The following TDP2 variants were observed in gnomAD, a reference collection of about 807,000 sequenced individuals.
The protein encoded by TDP2 is 5'-Tyr-DNA phosphodiesterase.
TDP2 carries 38 observed loss-of-function variants against 42.8 expected under a neutral mutation model. That is an observed-to-expected ratio of 0.89 (90% CI 0.68 to 1.16). The LOEUF is 1.16. TDP2 is among the 50% of genes most tolerant of loss of function. The pLI is 0.00. For missense variants in TDP2, 439 were observed against 439.3 expected (o/e 1.00, Z 0.01); for synonymous variants, 173 against 150.6 (o/e 1.15, Z -1.09).
intron 3 of TDP2, 147 bp from the exon 4 acceptor site, chr6:24,658,050 A>G: frequency 1.9e-6 from 1 of 529,706 alleles, no homozygotes; most frequent in Non-Finnish European, 3.4e-6. Context: ...TTTGATAACT[A>G]TAAAATGAGA....
At position 24,658,582 on chromosome 6, in the gene TDP2, C is replaced by G; in HGVS notation, c.404G>C (p.Gly135Ala). Reference protein sequence around the residue: ...DLNNLSERARGVCSYLALYSP... With the variant: ...DLNNLSERARAVCSYLALYSP... ...TTACAAAGCTAAGTAGGAACACACC[C>G]CTCGAGCCCTCTCTGACAGATTGTT... The change falls in exon 3 of 7, where the codon GGG (glycine) becomes GCG (alanine). Residue 135 changes from glycine to alanine, a missense_variant. Transcript: ENST00000378198. 1 of 1,612,430 alleles carries G rather than the reference C, an allele frequency of 6.2e-7. No homozygotes were observed. The highest frequency in any genetic ancestry group is 8.5e-7 in the Non-Finnish European group (1 of 1,179,216).
At chr6:24,665,403 C>CTGTGGGTGAGTA (rs1778214253) in intron 2 of TDP2, among the ~76,000 whole-genome samples, 1 of 152,192 alleles carries the variant, frequency 6.6e-6, no homozygotes, top group African/African-American at 2.4e-5. Flanking sequence ...AGACAAATCA[C>CTGTGGGTGAGTA]TGTGGGTGAG....
intron 5 of TDP2, 79 bp downstream of exon 5, chr6:24,654,333 G>A: frequency 5.6e-6 from 4 of 711,680 alleles, no homozygotes; most frequent in Non-Finnish European, 8.9e-6. Flanking sequence ...TAAAGGCAAT[G>A]GTTTTAAAAA....
chr6:24,657,336 C>T (rs1394706784), intron 4 of TDP2, among the ~76,000 whole-genome samples: 3 of 152,058 alleles, frequency 2.0e-5, no homozygotes, highest in African/African-American at 7.2e-5. Context: ...CAAGGAAAGA[C>T]TGTATATGAA....
intron 5 of TDP2, 61 bp from the exon 6 acceptor site, chr6:24,653,214 A>G: frequency 6.6e-7 from 1 of 1,511,830 alleles, no homozygotes; most frequent in African/African-American, 1.4e-5. Flanking sequence ...AACTTTAATA[A>G]TAAAATCAGC....
At chr6:24,653,702 T>C (rs1364031001) in intron 5 of TDP2, among the ~76,000 whole-genome samples, 1 of 152,194 alleles carries the variant, frequency 6.6e-6, no homozygotes, top group Non-Finnish European at 1.5e-5. Flanking sequence ...TTCTTTCATA[T>C]TGGTCATTCA....
chr6:24,650,803 T>A lies in TDP2; in HGVS notation c.1074A>T (p.Leu358Phe), dbSNP rs1376645761. 1.9e-6 allele frequency: 3 copies of A among 1,613,826 alleles called. No individual in the cohort carries two copies. The highest frequency in any genetic ancestry group is 2.5e-6 in the Non-Finnish European group (3 of 1,179,868). Reference sequence around the variant, plus strand: ...GAAAAGCATTTTACAATATTATATCTAAGTTGCACAGAAGACCCCAGTGAT... The same window carrying A: ...GAAAAGCATTTTACAATATTATATCAAAGTTGCACAGAAGACCCCAGTGAT... ...PSDHWGLLCN[L>F]DIIL The change falls in exon 7 of 7, where the codon TTA (leucine) becomes TTT (phenylalanine). Residue 358 changes from leucine (L) to phenylalanine (F), a missense_variant. Coordinates refer to ENST00000378198, the MANE Select transcript of TDP2 (RefSeq NM_016614.3).
rs1048331198 is a variant in TDP2 at position 24,666,882 on chromosome 6, C to A, written c.-20G>T. ...CTCCATCTTCCTGCCGCCTCTGCAC[C>A]GCCCCTTTAAGCGGAACAGGAGGCC... On this transcript the variant is annotated 5_prime_UTR_variant, in exon 1 of 7. Transcript: ENST00000378198. 6.2e-7 allele frequency: 1 copy of A among 1,612,240 alleles called. No individual in the cohort carries two copies. The highest frequency in any genetic ancestry group is 1.3e-5 in the African/African-American group (1 of 74,958).
chr6:24,663,429 A>T (rs1019950169), intron 2 of TDP2, among the ~76,000 whole-genome samples: 7 of 152,208 alleles, frequency 4.6e-5, no homozygotes. Context: ...GCTCTTATTC[A>T]CTATGCCATC....
At chr6:24,651,119 T>G in intron 6 of TDP2, 50 bp from the exon 7 acceptor site, 4 of 1,128,448 alleles carry the variant, frequency 3.5e-6, no homozygotes, top group Non-Finnish European at 4.7e-6. Context: ...TTTTGCCCAC[T>G]AACTTAAAAA....
At chr6:24,665,165 T>C (rs187604432) in intron 2 of TDP2, among the ~76,000 whole-genome samples, 46 of 152,346 alleles carry the variant, frequency 3.0e-4, no homozygotes, top group South Asian at 2.5e-3. Flanking sequence ...CTCTGCTTCA[T>C]TGTCTCTCTG....
chr6:24,651,124 T>C, intron 6 of TDP2, 55 bp from the exon 7 acceptor site: 1 of 994,766 alleles, frequency 1.0e-6, no homozygotes, highest in Non-Finnish European at 1.4e-6. Context: ...CCCACTAACT[T>C]AAAAAAAAAA....
At chr6:24,651,393 T>C (rs1392995463) in intron 6 of TDP2, among the ~76,000 whole-genome samples, 2 of 152,318 alleles carry the variant, frequency 1.3e-5, no homozygotes, top group South Asian at 2.1e-4. Flanking sequence ...TGAACTCAAG[T>C]GAAAAGAAGG....
chr6:24,661,660 T>C (rs562195438), intron 2 of TDP2, among the ~76,000 whole-genome samples: 45 of 152,350 alleles, frequency 3.0e-4, no homozygotes, highest in Admixed American at 1.0e-3. Flanking sequence ...TTAATGTCAA[T>C]TTTGTAGCAT....
At position 24,654,475 on chromosome 6, in the gene TDP2, T is replaced by A. The variant is rs1282064941; in HGVS notation, c.573A>T (p.Leu191Phe). The A allele has an allele frequency of 1.9e-6, 3 of 1,591,596 alleles. No homozygotes were observed. Among genetic ancestry groups the A allele is most frequent in the Non-Finnish European group, 2.6e-6 (3 of 1,165,876 alleles). The stretch of plus-strand genomic sequence containing the variant: ...GAAAAGGAATAATCTCTTGGCTTTT[T>A]AATTTCACTCTTGATTTCTTCAACA... ...AIMLKKSRVK[L>F]KSQEIIPFPS... Residue 191 changes from leucine (L) to phenylalanine (F), a missense_variant, in exon 5 of 7, where the codon TTA (leucine) becomes TTT (phenylalanine). Physicochemically the swap from Leu to Phe is conservative, Grantham distance 22. Transcript: ENST00000378198.
At chr6:24,652,592 A>G (rs1209939086) in intron 6 of TDP2, among the ~76,000 whole-genome samples, 8 of 152,312 alleles carry the variant, frequency 5.3e-5, no homozygotes, top group African/African-American at 1.9e-4. Context: ...AACCTCAGAA[A>G]AAAAGAGAGT....
In TDP2 at chr6:24,666,445, C is replaced by T. The variant is rs1778238031; in HGVS notation, c.251+81G>A. The T allele has an allele frequency of 2.0e-6, 3 of 1,506,038 alleles. No individual in the cohort carries two copies. In the East Asian group the frequency reaches 6.8e-5, roughly 34 times the overall value. 93.3% of individuals were successfully genotyped at this position (1,506,038 alleles called of 1,614,324 possible). ...CCTCAGCATCGTCCGCCCAGCTCCA[C>T]GGCAGGTCCCAGGACGCGCAGGGCT... is the stretch of plus-strand genomic sequence containing the variant. On this transcript the variant is annotated intron_variant, in intron 2 of 6. Coordinates refer to ENST00000378198, the MANE Select transcript of TDP2 (RefSeq NM_016614.3).
intron 5 of TDP2, among the ~76,000 whole-genome samples, chr6:24,653,585 A>G (rs1778010182): frequency 6.6e-6 from 1 of 152,224 alleles, no homozygotes; most frequent in Non-Finnish European, 1.5e-5. Flanking sequence ...CAGGTATTCC[A>G]AAAAAGTCAG....
intron 4 of TDP2, among the ~76,000 whole-genome samples, chr6:24,656,533 C>T (rs1249379719): frequency 2.0e-5 from 3 of 152,036 alleles, no homozygotes; most frequent in Non-Finnish European, 4.4e-5. Context: ...AATAAAAGTT[C>T]CCACCAAGCA....
Sources: allele counts gnomAD v4.1 joint callset (sites outside exome capture counted in the v4.1 genomes callset), GRCh38; gene constraint gnomAD v4.1.1; transcripts MANE v1.5; gene names NCBI Gene and HGNC (gene_info 2026-07-23, HGNC 2026-07-21).